The following STPG2 variants were observed in gnomAD, a reference collection of about 807,000 sequenced individuals.
STPG2 encodes the protein sperm tail PG-rich repeat containing 2.
A neutral mutation model predicts 54.2 loss-of-function variants in STPG2; 56 were observed. That is an observed-to-expected ratio of 1.03 (90% confidence interval 0.83 to 1.29). The LOEUF (loss-of-function observed/expected upper bound fraction) is 1.29. Among genes scored for constraint, STPG2 ranks in the 50% most tolerant of loss-of-function variants. STPG2 has a pLI of 0.00. For missense variants in STPG2, 596 were observed against 544.9 expected (o/e 1.09, Z -0.93); for synonymous variants, 200 against 181.8 (o/e 1.10, Z -0.81).
chr4:97,564,680 C>T (rs1328440032), intron 10 of STPG2, among the ~76,000 whole-genome samples: 1 of 152,102 alleles, frequency 6.6e-6, no homozygotes, highest in Non-Finnish European at 1.5e-5. Flanking sequence ...TTTTATTTCT[C>T]CTTCACTTAT....
At chr4:97,693,426 T>TA (rs1723444169) in intron 10 of STPG2, among the ~76,000 whole-genome samples, 1 of 151,914 alleles carries the variant, frequency 6.6e-6, no homozygotes, top group African/African-American at 2.4e-5. Context: ...GAAACACAGT[T>TA]AAAAAAGACA....
At chr4:97,957,744 A>G (rs1451650735) in intron 7 of STPG2, among the ~76,000 whole-genome samples, 2 of 152,208 alleles carry the variant, frequency 1.3e-5, no homozygotes, top group African/African-American at 2.4e-5. Flanking sequence ...TACAAGCTAG[A>G]AGAGATTGGG....
At chr4:97,544,235 C>T (rs1731783825) in intron 4 of STPG2, among the ~76,000 whole-genome samples, 1 of 152,026 alleles carries the variant, frequency 6.6e-6, no homozygotes, top group Non-Finnish European at 1.5e-5. Flanking sequence ...TTAATGCAAT[C>T]CATGGAGATA....
intron 7 of STPG2, among the ~76,000 whole-genome samples, chr4:97,966,500 T>C (rs1439397929): frequency 6.6e-6 from 1 of 152,206 alleles, no homozygotes; most frequent in Non-Finnish European, 1.5e-5. Context: ...CAGGCCAACA[T>C]TCAAATTCAG....
intron 5 of STPG2, among the ~76,000 whole-genome samples, chr4:98,060,963 C>T (rs1264086207): frequency 1.3e-5 from 2 of 152,098 alleles, no homozygotes; most frequent in African/African-American, 4.8e-5. Context: ...ACTATAAAAA[C>T]CCTGGAAGAC....
At chr4:98,065,166 A>G (rs900810248) in intron 5 of STPG2, among the ~76,000 whole-genome samples, 1 of 152,210 alleles carries the variant, frequency 6.6e-6, no homozygotes, top group Non-Finnish European at 1.5e-5. Context: ...AAAAAAGAGA[A>G]TAAATGCCAG....
intron 10 of STPG2, among the ~76,000 whole-genome samples, chr4:97,654,932 G>A (rs1269214861): frequency 2.0e-5 from 3 of 151,912 alleles, no homozygotes; most frequent in African/African-American, 7.2e-5. Flanking sequence ...ATTGTCACCA[G>A]AACAGTTTAA....
intron 6 of STPG2, among the ~76,000 whole-genome samples, chr4:97,974,801 G>A (rs983594889): frequency 2.6e-4 from 39 of 152,040 alleles, no homozygotes; most frequent in Admixed American, 5.2e-4. Context: ...GCCCAGTCTC[G>A]GGAACGTCTT....
chr4:97,718,019 G>A (rs1724342759), intron 9 of STPG2, among the ~76,000 whole-genome samples: 1 of 151,852 alleles, frequency 6.6e-6, no homozygotes, highest in Non-Finnish European at 1.5e-5. Flanking sequence ...AATTATCAAG[G>A]CAAAAAAGTA....
chr4:97,795,215 A>C lies in STPG2; in HGVS notation c.1204+45558T>G, dbSNP rs188215075. The stretch of plus-strand genomic sequence containing the variant: ...TAATTTTTCTTTCTTTCTTTATTAT[A>C]CTTTAAGTTCTATGGTACATGTGCA... On this transcript the variant is annotated intron_variant, in intron 9 of 10. Transcript: ENST00000295268. Among the ~76,000 whole-genome samples, 425 of 152,202 alleles carry C rather than the reference A, an allele frequency of 2.8e-3. 3 individuals carry two copies. Among genetic ancestry groups the C allele is most frequent in the African/African-American group, 9.4e-3 (389 of 41,528 alleles).
chr4:97,617,307 A>T (rs1285724508), intron 10 of STPG2, among the ~76,000 whole-genome samples: 1 of 152,142 alleles, frequency 6.6e-6, no homozygotes, highest in African/African-American at 2.4e-5. Flanking sequence ...AAAAAGGTAC[A>T]TATTTTATTG....
chr4:97,709,926 T>G (rs1032784833), intron 10 of STPG2, among the ~76,000 whole-genome samples: 1 of 151,886 alleles, frequency 6.6e-6, no homozygotes, highest in Non-Finnish European at 1.5e-5. Flanking sequence ...ATCCTGATTT[T>G]CCATTTTGCT....
chr4:97,610,579 A>G (rs748110330), intron 10 of STPG2, among the ~76,000 whole-genome samples: 6 of 151,984 alleles, frequency 3.9e-5, no homozygotes, highest in Non-Finnish European at 8.8e-5. Context: ...ATTACTTCAA[A>G]TTATCCAAAA....
chr4:97,441,564 G>A (rs1257814419), intron 4 of STPG2: 2 of 151,944 alleles, frequency 1.3e-5, no homozygotes, highest in Non-Finnish European at 2.9e-5. Context: ...ATTTCAGTAA[G>A]TGGTATCTCT....
At chr4:97,953,808 G>A (rs1733562626) in intron 7 of STPG2, among the ~76,000 whole-genome samples, 1 of 152,188 alleles carries the variant, frequency 6.6e-6, no homozygotes, top group African/African-American at 2.4e-5. Context: ...TGGGCTGCCA[G>A]CCTGCCACTT....
At chr4:97,989,731 AG>A (rs1320665135) in intron 5 of STPG2, among the ~76,000 whole-genome samples, 1 of 152,240 alleles carries the variant, frequency 6.6e-6, no homozygotes, top group Non-Finnish European at 1.5e-5. Flanking sequence ...AGTTAAAATA[AG>A]GGTTCTTTGA....
intron 4 of STPG2, among the ~76,000 whole-genome samples, chr4:97,507,478 A>G (rs1263396884): frequency 6.6e-6 from 1 of 152,082 alleles, no homozygotes; most frequent in Non-Finnish European, 1.5e-5. Context: ...TTGTTTTACA[A>G]TCCAATTTCA....
intron 8 of STPG2, among the ~76,000 whole-genome samples, chr4:97,846,234 A>G (rs1369524641): frequency 6.6e-6 from 1 of 152,102 alleles, no homozygotes; most frequent in East Asian, 1.9e-4. Flanking sequence ...TAGTTGCCAT[A>G]TTTTGAATCT....
chr4:97,505,478 G>A (rs1008048529), intron 4 of STPG2, among the ~76,000 whole-genome samples: 2 of 151,922 alleles, frequency 1.3e-5, no homozygotes, highest in African/African-American at 4.8e-5. Flanking sequence ...AGGAAAGAGG[G>A]ACTCAGATAC....
Sources: gnomAD v4.1 joint callset for allele counts (sites outside exome capture counted in the v4.1 genomes callset) on GRCh38, gnomAD v4.1.1 for gene constraint, MANE v1.5 for transcripts, NCBI Gene and HGNC (gene_info 2026-07-23, HGNC 2026-07-21) for gene names.